The following TBL1X variants were observed in gnomAD, a reference collection of about 807,000 sequenced individuals.
The protein encoded by TBL1X is transducin beta like 1 X-linked, also known as F-box-like/WD repeat-containing protein TBL1X.
A neutral mutation model predicts 50.7 loss-of-function variants in TBL1X; 10 were observed. That is an observed-to-expected ratio of 0.20 (90% CI 0.12 to 0.33). TBL1X has a LOEUF of 0.33. Ranked by LOEUF, TBL1X falls within the 10% of genes least tolerant of loss-of-function variation. The probability of loss-of-function intolerance (pLI) is 1.00; values close to 1 mark genes in which losing one functional copy is unlikely to be tolerated. For missense variants in TBL1X, 340 were observed against 504.4 expected (o/e 0.67, Z 3.12); for synonymous variants, 190 against 214.7 (o/e 0.88, Z 1.01).
At chrX:9,713,244 C>G (rs1486890795) in intron 16 of TBL1X, among the ~76,000 whole-genome samples, 16 of 110,973 alleles carry the variant, frequency 1.4e-4, no homozygotes, top group Non-Finnish European at 3.0e-4. Flanking sequence ...CGCATCTCAG[C>G]ACTAGTGTCC....
rs779874818 is a variant in TBL1X at position 9,553,749 on chromosome X, T to C, written c.-131+51900T>C. Among the ~76,000 whole-genome samples, 115 of 112,397 alleles carry C rather than the reference T, an allele frequency of 1.0e-3. 1 individual carries two copies. The highest frequency in any genetic ancestry group is 3.3e-3 in the African/African-American group (103 of 30,951). ...ATAAATGACCAAAGTTGACTGTGGT[T>C]TTTTGAAGAACATTGGAAAATAAAC... On this transcript the variant is annotated intron_variant, in intron 2 of 17. Transcript: ENST00000645353.
intron 5 of TBL1X, among the ~76,000 whole-genome samples, chrX:9,673,001 CCT>C (rs755398920): frequency 8.9e-5 from 10 of 111,853 alleles, no homozygotes; most frequent in Non-Finnish European, 1.9e-4. Flanking sequence ...GCGCCTTCTC[CCT>C]GTGTCCTCAC....
At chrX:9,588,895 G>A (rs1444271385) in intron 2 of TBL1X, among the ~76,000 whole-genome samples, 2 of 110,975 alleles carry the variant, frequency 1.8e-5, no homozygotes, top group Admixed American at 9.6e-5. Context: ...GAGCCACTGC[G>A]CCCGTCCTCA....
intron 2 of TBL1X, among the ~76,000 whole-genome samples, chrX:9,625,606 A>G (rs1337805472): frequency 8.9e-6 from 1 of 112,580 alleles, no homozygotes; most frequent in Middle Eastern, 4.2e-3. Context: ...AGTACAGTGT[A>G]GTTGAGATGT....
rs184921126 is a variant in TBL1X, at chrX:9,700,484, T to G, written c.1114+3055T>G. Among the ~76,000 whole-genome samples, 5 of 112,196 alleles carry G rather than the reference T, an allele frequency of 4.5e-5. No individual in the cohort carries two copies. In the East Asian group the frequency reaches 1.4e-3, roughly 31 times the overall value. ...CACATTGTTCTGAATTGCGTGAGCT[T>G]CTCACCTGTGATCTGGCTGGCCATG... is the stretch of plus-strand genomic sequence containing the variant. On this transcript the variant is annotated intron_variant, in intron 12 of 17. Coordinates refer to ENST00000645353, the MANE Select transcript of TBL1X (RefSeq NM_005647.4).
At chrX:9,596,355 C>T (rs947048090) in intron 2 of TBL1X, among the ~76,000 whole-genome samples, 3 of 112,008 alleles carry the variant, frequency 2.7e-5, no homozygotes, top group African/African-American at 9.7e-5. Context: ...CCATAGAAAA[C>T]AAGGGGTCAG....
intron 9 of TBL1X, among the ~76,000 whole-genome samples, chrX:9,692,510 C>T (rs746717819): frequency 4.4e-5 from 5 of 112,364 alleles, no homozygotes; most frequent in South Asian, 3.7e-4. Context: ...TGGGTTCAAG[C>T]GATTCTCTTT....
chrX:9,665,214 A>G (rs777756146), intron 5 of TBL1X, among the ~76,000 whole-genome samples: 10 of 108,015 alleles, frequency 9.3e-5, no homozygotes, highest in Non-Finnish European at 1.7e-4. Flanking sequence ...GGAAGGAGAA[A>G]GTCTGCCAAA....
intron 1 of TBL1X, among the ~76,000 whole-genome samples, chrX:9,481,836 T>G (rs2081884424): frequency 8.9e-6 from 1 of 112,464 alleles, no homozygotes; most frequent in African/African-American, 3.2e-5. Flanking sequence ...GTGAGATTTC[T>G]TAGGGAATAA....
intron 1 of TBL1X, among the ~76,000 whole-genome samples, chrX:9,491,338 A>ATTTTTTT (rs1157943868): frequency 9.6e-5 from 3 of 31,316 alleles, no homozygotes; most frequent in African/African-American, 3.5e-4. Flanking sequence ...ATATATATAT[A>ATTTTTTT]TTTTTTTTTT....
In TBL1X at chrX:9,697,395, A is replaced by C; in HGVS notation, c.1080A>C (p.Thr360=). Residue 360 remains threonine, a synonymous_variant, in exon 12 of 18, where the codon ACA becomes ACC. Transcript: ENST00000645353. Reference sequence around the variant, plus strand: ...CAACAATAATTTGGGATGCCCACACAGGAGAAGCCAAACAGCAGTTTCCTT... The same window carrying C: ...CAACAATAATTTGGGATGCCCACACCGGAGAAGCCAAACAGCAGTTTCCTT... The part of the protein sequence containing the change: ...DKTTIIWDAH[T]GEAKQQFPFH... 8.3e-7 allele frequency: 1 copy of C among 1,211,222 alleles called. No homozygotes were observed. Among genetic ancestry groups the C allele is most frequent in the South Asian group, 1.8e-5 (1 of 56,818 alleles).
At chrX:9,573,819 G>T (rs2082397247) in intron 2 of TBL1X, among the ~76,000 whole-genome samples, 2 of 112,909 alleles carry the variant, frequency 1.8e-5, no homozygotes, top group Admixed American at 1.9e-4. Context: ...GCCGGGGCAC[G>T]CTGTGTCCCA....
chrX:9,660,495 G>A (rs2082891640), intron 5 of TBL1X, among the ~76,000 whole-genome samples: 1 of 112,135 alleles, frequency 8.9e-6, no homozygotes, highest in Non-Finnish European at 1.9e-5. Flanking sequence ...CCAGAGTGAG[G>A]AACTTCTGGC....
intron 2 of TBL1X, among the ~76,000 whole-genome samples, chrX:9,504,869 A>G (rs964280431): frequency 3.6e-5 from 4 of 111,933 alleles, no homozygotes; most frequent in African/African-American, 9.8e-5. Flanking sequence ...GAGAATGGAA[A>G]CAAGCTGGAA....
chrX:9,691,841 G>A, intron 8 of TBL1X, 130 bp downstream of exon 8: 1 of 951,547 alleles, frequency 1.1e-6, no homozygotes, highest in Non-Finnish European at 1.4e-6. Flanking sequence ...GGCAGACCAA[G>A]GAATGGGTGG....
chrX:9,473,010 C>T (rs1456566735), intron 1 of TBL1X, among the ~76,000 whole-genome samples: 1 of 111,617 alleles, frequency 9.0e-6, no homozygotes, highest in Non-Finnish European at 1.9e-5. Flanking sequence ...GGGTAATTGT[C>T]AGCCTGGATG....
intron 2 of TBL1X, among the ~76,000 whole-genome samples, chrX:9,569,735 A>G (rs1455628676): frequency 8.9e-6 from 1 of 112,254 alleles, no homozygotes; most frequent in Admixed American, 9.4e-5. Flanking sequence ...TGTGAAATCT[A>G]AGCACATACA....
rs1280610045 is a variant in TBL1X at position 9,505,942 on chromosome X, C to G, written c.-131+4093C>G. 8.9e-5 allele frequency among the ~76,000 whole-genome samples: 10 copies of G among 112,216 alleles called. No individual in the cohort carries two copies. In the Admixed American group the frequency reaches 9.4e-4, roughly 11 times the overall value. Reference sequence around the variant, plus strand: ...TCAGGACTCGAACTCAGATCTGGATCAAGTGGACTTAGTAGAAGTCTACAG... The same window carrying G: ...TCAGGACTCGAACTCAGATCTGGATGAAGTGGACTTAGTAGAAGTCTACAG... On this transcript the variant is annotated intron_variant, in intron 2 of 17. Transcript: ENST00000645353.
intron 2 of TBL1X, among the ~76,000 whole-genome samples, chrX:9,581,943 TG>T (rs1302783974): frequency 2.7e-5 from 3 of 112,292 alleles, no homozygotes; most frequent in Non-Finnish European, 5.6e-5. Flanking sequence ...TGACTCAGGC[TG>T]CCCCTTTTAT....
Sources: allele counts gnomAD v4.1 joint callset (sites outside exome capture counted in the v4.1 genomes callset), GRCh38; gene constraint gnomAD v4.1.1; transcripts MANE v1.5; gene names NCBI Gene and HGNC (gene_info 2026-07-23, HGNC 2026-07-21).